SHC1: variants seen among roughly 807,000 people sequenced by gnomAD.
SHC1 encodes the protein SHC adaptor protein 1, also known as SHC-transforming protein 1.
A neutral mutation model predicts 55.9 loss-of-function variants in SHC1; 30 were observed. The ratio of observed to expected loss-of-function variants is 0.54; its 90% CI spans 0.40 to 0.73. The LOEUF (loss-of-function observed/expected upper bound fraction) is 0.73, where lower values mean the gene tolerates loss of function less well. SHC1 is among the 30% of genes least tolerant of loss of function. SHC1 has a pLI of 0.00. For missense variants in SHC1, 675 were observed against 777.1 expected (o/e 0.87, Z 1.56); for synonymous variants, 309 against 306.1 (o/e 1.01, Z -0.10).
rs753481070 is a variant in SHC1 at position 154,970,394 on chromosome 1, T to A, written c.133A>T (p.Ile45Phe). The change falls in exon 1 of 12, where the codon ATC becomes TTC. Residue 45 changes from isoleucine (I) to phenylalanine (F), a missense_variant. By Grantham distance (21) the Ile-to-Phe change is conservative. Around this residue, in one of 3 missense-constraint regions of SHC1, gnomAD observed 156 missense variants for 159.1 expected, o/e 0.98. Coordinates refer to ENST00000448116, the MANE Select transcript of SHC1 (RefSeq NM_001130040.2). The surrounding 1 kb of genome is among the most constrained non-coding windows in gnomAD (Gnocchi z 5.5). The part of the protein sequence containing the change: ...PSPSASSLGP[I>F]LPPLPGDDSP... The stretch of plus-strand genomic sequence containing the variant: ...TCGTCCCCAGGCAGAGGAGGCAGGA[T>A]GGGCCCCAGGGATGAAGCTGATGGG... 6.2e-7 allele frequency: 1 copy of A among 1,603,068 alleles called. No homozygotes were observed. Among genetic ancestry groups the A allele is most frequent in the South Asian group, 1.1e-5 (1 of 89,514 alleles).
At position 154,970,577 on chromosome 1, in the gene SHC1, GGGCAAGGGGGCCA is replaced by G; in HGVS notation, c.-64_-52del. On this transcript the variant is annotated 5_prime_UTR_variant, in exon 1 of 12. Coordinates refer to ENST00000448116, the MANE Select transcript of SHC1 (RefSeq NM_001130040.2). The surrounding 1 kb of genome is among the most constrained non-coding windows in gnomAD (Gnocchi z 5.5). ...CCCAGCCTGGCCCCCCTGCCAGTTT[GGGCAAGGGGGCCA>G]GGCAGGGGGTATCCCCAGGCCCTTA... is the stretch of plus-strand genomic sequence containing the variant. 1.4e-6 allele frequency: 2 copies of G among 1,386,116 alleles called. No homozygotes were observed. Among genetic ancestry groups the G allele is most frequent in the South Asian group, 1.3e-5 (1 of 74,826 alleles). The allele number at this position is 1,386,116 out of a possible 1,614,324, so 85.9% of individuals were successfully genotyped here.
chr1:154,965,295 C>T (rs1571424926), intron 11 of SHC1: 1 of 1,278,478 alleles, frequency 7.8e-7, no homozygotes, highest in East Asian at 3.5e-5. Flanking sequence ...CCTCAGCCTC[C>T]CAAAGCGCTG....
In SHC1 at chr1:154,969,230, G is replaced by A. The variant is rs144681105; in HGVS notation, c.566+148C>T. On this transcript the variant is annotated intron_variant, in intron 2 of 11. Coordinates refer to ENST00000448116, the MANE Select transcript of SHC1 (RefSeq NM_001130040.2). ...AAGGGGCCTCCTTTCAGTAAGAGGC[G>A]GAATCACTACCTCAGCTTTCTCTCA... The A allele has an allele frequency of 1.7e-3, 1,096 of 653,862 alleles. 1 individual carries two copies. Among genetic ancestry groups the A allele is most frequent in the Non-Finnish European group, 2.6e-3 (946 of 358,864 alleles). 40.5% of individuals were successfully genotyped at this position (653,862 alleles called of 1,614,324 possible).
Sources: allele counts gnomAD v4.1 joint callset, GRCh38; gene constraint gnomAD v4.1.1; regional missense constraint gnomAD v4.1.1; non-coding constraint Gnocchi (gnomAD v3.1); transcripts MANE v1.5; gene names NCBI Gene and HGNC (gene_info 2026-07-23, HGNC 2026-07-21).